POU2F2: variants seen among roughly 807,000 people sequenced by gnomAD.
POU2F2 encodes the protein POU domain, class 2, transcription factor 2.
In POU2F2, 14 loss-of-function variants were observed where a neutral mutation model predicts 63.5. The ratio of observed to expected loss-of-function variants is 0.22; its 90% confidence interval spans 0.15 to 0.34. The LOEUF (loss-of-function observed/expected upper bound fraction) is 0.34, where lower values mean the gene tolerates loss of function less well. Among genes scored for constraint, POU2F2 ranks in the 10% least tolerant of loss-of-function variants. The pLI, the probability that POU2F2 is intolerant of heterozygous loss-of-function variation, is 1.00. For missense variants in POU2F2, 607 were observed against 815.2 expected (o/e 0.74, Z 3.11); for synonymous variants, 306 against 348.6 (o/e 0.88, Z 1.36).
intron 1 of POU2F2, among the ~76,000 whole-genome samples, chr19:42,171,471 C>T (rs948860551): frequency 7.4e-6 from 1 of 135,462 alleles, no homozygotes; most frequent in African/African-American, 2.9e-5. Context: ...TGTGTGTGTG[C>T]ACTTTAATGC....
intron 1 of POU2F2, among the ~76,000 whole-genome samples, chr19:42,131,246 C>G (rs183139552): frequency 6.6e-6 from 1 of 152,018 alleles, no homozygotes; most frequent in East Asian, 1.9e-4. Flanking sequence ...ACAGGTCTGT[C>G]TTCTCCAATA....
intron 5 of POU2F2, chr19:42,116,879 C>A (rs762509729): frequency 7.2e-6 from 3 of 418,634 alleles, no homozygotes; most frequent in South Asian, 1.8e-5. Context: ...GAGGCGGAGG[C>A]GGCGGCGGCG....
chr19:42,195,426 G>A (rs1471636785), intron 1 of POU2F2, among the ~76,000 whole-genome samples: 2 of 142,132 alleles, frequency 1.4e-5, no homozygotes, highest in East Asian at 4.6e-4. Flanking sequence ...TCCGCCTCCC[G>A]GGTTCACGCC....
intron 1 of POU2F2, among the ~76,000 whole-genome samples, chr19:42,195,434 G>A (rs543803197): frequency 1.5e-4 from 22 of 145,912 alleles, no homozygotes; most frequent in Middle Eastern, 7.1e-3. Context: ...CCGGGTTCAC[G>A]CCATTCTCCT....
chr19:42,099,363 C>T (rs1417622452), intron 7 of POU2F2, 164 bp downstream of exon 7: 2 of 649,534 alleles, frequency 3.1e-6, no homozygotes, highest in African/African-American at 3.6e-5. Context: ...GAGGCTGACC[C>T]AGACAGGGAG....
rs2034985868 is a variant in POU2F2 at position 42,183,613 on chromosome 19, A to G, written c.-70+12770T>C. On this transcript the variant is annotated intron_variant, in intron 1 of 5. Coordinates refer to the POU2F2 transcript ENST00000532176. ...TTATATCACAATAAAGCTGATTGCAAATAAATAAATAAATAATTACCAGCC... is the reference window on the plus strand; with the variant it reads ...TTATATCACAATAAAGCTGATTGCAGATAAATAAATAAATAATTACCAGCC... Among the ~76,000 whole-genome samples, 3 of 152,178 alleles carry G rather than the reference A, an allele frequency of 2.0e-5. No homozygotes were observed. The South Asian group carries it at 6.2e-4, about 31-fold the overall frequency.
chr19:42,178,311 G>GA (rs1243231734), upstream of POU2F2, among the ~76,000 whole-genome samples: 1 of 151,842 alleles, frequency 6.6e-6, no homozygotes, highest in Admixed American at 6.6e-5. Context: ...GAGAGATAGT[G>GA]AAAAAATATA....
chr19:42,153,529 T>C lies in POU2F2; in HGVS notation c.-9+6803A>G, dbSNP rs1202059682. ...GGATGCTGCTGTGCGTGAGCCTCCA[T>C]GGGTCCCGTGTGGATCTGTGCCTGT... is the stretch of plus-strand genomic sequence containing the variant. On this transcript the variant is annotated intron_variant, in intron 2 of 6. Coordinates refer to the POU2F2 transcript ENST00000524801. This position sits in a 1 kb window ranked among gnomAD's most constrained non-coding sequence, Gnocchi z 5.6. 2.6e-5 allele frequency among the ~76,000 whole-genome samples: 4 copies of C among 152,126 alleles called. No individual in the cohort carries two copies. Among genetic ancestry groups the C allele is most frequent in the South Asian group, 2.1e-4 (1 of 4,830 alleles).
At chr19:42,125,583 C>G (rs2033124813) in intron 1 of POU2F2, among the ~76,000 whole-genome samples, 1 of 152,140 alleles carries the variant, frequency 6.6e-6, no homozygotes, top group South Asian at 2.1e-4. Flanking sequence ...TCTAGTTCAC[C>G]CAGACCTTAG....
chr19:42,115,630 A>C (rs985292867), intron 5 of POU2F2, among the ~76,000 whole-genome samples: 4 of 152,202 alleles, frequency 2.6e-5, no homozygotes, highest in African/African-American at 9.7e-5. Flanking sequence ...AGGGGTGGAC[A>C]GGAGTGGGCT....
At chr19:42,123,929 C>CA (rs2032933776) in intron 1 of POU2F2, among the ~76,000 whole-genome samples, 1 of 152,120 alleles carries the variant, frequency 6.6e-6, no homozygotes, top group South Asian at 2.1e-4. Context: ...CAACTCACTC[C>CA]AAAATCCCTG....
chr19:42,154,095 G>A (rs1328116219), intron 2 of POU2F2, among the ~76,000 whole-genome samples: 4 of 85,164 alleles, frequency 4.7e-5, no homozygotes, highest in Admixed American at 1.0e-4. Context: ...AGCGCCACCC[G>A]CTCCCCCCGC....
rs547738630 is a variant in POU2F2 at position 42,153,011 on chromosome 19, G to A, written c.-9+7321C>T. Among the ~76,000 whole-genome samples the A allele has an allele frequency of 2.4e-4, 37 of 152,276 alleles. No individual in the cohort carries two copies. In the South Asian group the frequency reaches 3.7e-3, roughly 15 times the overall value. ...GAACAGTGGGGCGAACCCTCAGGCC[G>A]GCCTGCGCCCACCCCCAGAGCTGCT... On this transcript the variant is annotated intron_variant, in intron 2 of 6. Coordinates refer to the POU2F2 transcript ENST00000524801. This position sits in a 1 kb window ranked among gnomAD's most constrained non-coding sequence, Gnocchi z 5.6.
At chr19:42,144,770 A>G (rs1465335615) in intron 2 of POU2F2, among the ~76,000 whole-genome samples, 1 of 152,166 alleles carries the variant, frequency 6.6e-6, no homozygotes, top group East Asian at 1.9e-4. Flanking sequence ...TCAGAGGAGC[A>G]CCCCAAGGCG....
upstream of POU2F2, among the ~76,000 whole-genome samples, chr19:42,180,321 A>G (rs767018750): frequency 6.6e-6 from 1 of 152,140 alleles, no homozygotes; most frequent in Non-Finnish European, 1.5e-5. Context: ...AACATAAGAA[A>G]CACCCACTCC....
At chr19:42,103,363 G>C (rs183307640) in intron 5 of POU2F2, among the ~76,000 whole-genome samples, 109 of 152,292 alleles carry the variant, frequency 7.2e-4, no homozygotes, top group African/African-American at 2.6e-3. Context: ...TCAGTGCCTA[G>C]AACAGCACCT....
intron 5 of POU2F2, among the ~76,000 whole-genome samples, chr19:42,107,789 G>T (rs1398215263): frequency 2.0e-5 from 3 of 152,120 alleles, no homozygotes; most frequent in Non-Finnish European, 1.5e-5. Context: ...TAAGCCATAA[G>T]GCCTCTACTG....
chr19:42,091,416 T>A lies in POU2F2; in HGVS notation c.1716A>T (p.Ala572=). The A allele has an allele frequency of 6.5e-7, 1 of 1,549,098 alleles. No homozygotes were observed. Among genetic ancestry groups the A allele is most frequent in the Non-Finnish European group, 8.7e-7 (1 of 1,146,926 alleles). ...STPPGVGLVS[A]AAAAVAASIS... ...TGGAGGCTGCCACAGCCGCAGCCGCTGCTGAGACCAGGCCCACACCAGGCG... is the reference window on the plus strand; with the variant it reads ...TGGAGGCTGCCACAGCCGCAGCCGCAGCTGAGACCAGGCCCACACCAGGCG... Residue 572 remains alanine (A), a synonymous_variant, in exon 15 of 15, where the codon GCA becomes GCT. Coordinates refer to ENST00000692977, the MANE Select transcript of POU2F2 (RefSeq NM_001394376.1).
chr19:42,192,658 C>T (rs767991353), intron 1 of POU2F2, among the ~76,000 whole-genome samples: 29 of 152,136 alleles, frequency 1.9e-4, no homozygotes, highest in Non-Finnish European at 3.7e-4. Flanking sequence ...GCTATTCCAT[C>T]TACCTGGAAT....
Sources: allele counts gnomAD v4.1 joint callset (sites outside exome capture counted in the v4.1 genomes callset), GRCh38; gene constraint gnomAD v4.1.1; non-coding constraint Gnocchi (gnomAD v3.1); transcripts MANE v1.5; gene names NCBI Gene and HGNC (gene_info 2026-07-23, HGNC 2026-07-21).